Variants in LYST observed in about 807,000 individuals in gnomAD.
The protein encoded by LYST is lysosomal-trafficking regulator.
LYST carries 192 observed loss-of-function variants against 413.6 expected under a neutral mutation model. The ratio of observed to expected loss-of-function variants is 0.46; its 90% confidence interval spans 0.41 to 0.52. The LOEUF (loss-of-function observed/expected upper bound fraction) is 0.52. LYST is among the 20% of genes least tolerant of loss of function. The probability of loss-of-function intolerance (pLI) is 0.00; values close to 1 mark genes in which losing one functional copy is unlikely to be tolerated. For missense variants in LYST, 3,815 were observed against 4,499.9 expected, an observed-to-expected ratio of 0.85 and a Z score of 4.35; for synonymous variants, 1,525 against 1,567.3, an observed-to-expected ratio of 0.97 and a Z score of 0.64.
chr1:235,799,928 C>CTTTTTTTTTTTTTTTTTTTTTT (rs67988872), intron 10 of LYST, among the ~76,000 whole-genome samples: 1 of 63,482 alleles, frequency 1.6e-5, no homozygotes, highest in Non-Finnish European at 2.8e-5. Context: ...CAATGGAAGC[C>CTTTTTTTTTTTTTTTTTTTTTT]TTTTTTTTTT....
At chr1:235,760,918 T>C (rs1224112513) in intron 22 of LYST, among the ~76,000 whole-genome samples, 1 of 152,194 alleles carries the variant, frequency 6.6e-6, no homozygotes, top group Non-Finnish European at 1.5e-5. Context: ...ACATGACAGA[T>C]GATTTAAAAA....
Position 235,806,788 on chromosome 1 carries a change from A to C in LYST, c.2364-16T>G. On this transcript the variant is annotated splice_polypyrimidine_tract_variant and intron_variant, in intron 5 of 52. Transcript: ENST00000389793. The stretch of plus-strand genomic sequence containing the variant: ...TCTTATTACCCTGTGAAAGAAAAAA[A>C]GCATGTAAAAAGGTTTAAATAAAGA... 3 of 1,567,678 alleles carry C rather than the reference A, an allele frequency of 1.9e-6. No individual in the cohort carries two copies. Among genetic ancestry groups the C allele is most frequent in the Non-Finnish European group, 2.6e-6 (3 of 1,139,244 alleles).
At position 235,808,471 on chromosome 1, in the gene LYST, T is replaced by C. The variant is rs1303870117; in HGVS notation, c.2347A>G (p.Ile783Val). 1.2e-6 allele frequency: 2 copies of C among 1,612,810 alleles called. No individual in the cohort carries two copies. Among genetic ancestry groups the C allele is most frequent in the Admixed American group, 3.3e-5 (2 of 59,862 alleles). ...VLQIYVKTLP[I>V]LLKSRVIRDL... ...CATACAAACCTGGATTTAAGCAGGA[T>C]AGGCAGAGTTTTTACATAAATCTGA... The change falls in exon 5 of 53, where the codon ATC (isoleucine) becomes GTC (valine). Residue 783 changes from isoleucine to valine, a missense_variant. By Grantham distance (29) the Ile-to-Val change is conservative. Transcript: ENST00000389793.
chr1:235,785,092 C>T (rs1359750859), intron 14 of LYST, among the ~76,000 whole-genome samples: 1 of 152,132 alleles, frequency 6.6e-6, no homozygotes, highest in Non-Finnish European at 1.5e-5. Context: ...TGTAAGCAAT[C>T]AATTGCTGCA....
At position 235,734,593 on chromosome 1, in the gene LYST, C is replaced by G; in HGVS notation, c.8425G>C (p.Glu2809Gln). Residue 2809 changes from glutamate to glutamine, a missense_variant, in exon 32 of 53, where the codon GAA becomes CAA. Coordinates refer to ENST00000389793, the MANE Select transcript of LYST (RefSeq NM_000081.4). ...IHNHQGELTE[E>Q]ELGTAELLMN... ...AGCAGTTCTGCTGTGCCTAGCTCTT[C>G]TTCAGTCAATTCACCTTGGTGATTA... 1 of 1,613,276 alleles carries G rather than the reference C, an allele frequency of 6.2e-7. No individual in the cohort carries two copies. The highest frequency in any genetic ancestry group is 1.1e-5 in the South Asian group (1 of 91,006).
At chr1:235,685,751 C>A (rs1269047326) in intron 48 of LYST, among the ~76,000 whole-genome samples, 1 of 151,290 alleles carries the variant, frequency 6.6e-6, no homozygotes, top group Admixed American at 6.6e-5. Flanking sequence ...GAGGCTGAGG[C>A]AGAAGAATTG....
intron 19 of LYST, among the ~76,000 whole-genome samples, chr1:235,770,721 A>G (rs1361356831): frequency 1.3e-5 from 2 of 152,202 alleles, no homozygotes; most frequent in African/African-American, 4.8e-5. Context: ...TTTTAGAGCA[A>G]ATCATACTAA....
At chr1:235,762,983 T>A in intron 21 of LYST, 132 bp from the exon 22 acceptor site, 1 of 693,942 alleles carries the variant, frequency 1.4e-6, no homozygotes, top group Non-Finnish European at 2.6e-6. Flanking sequence ...ATAGCATACT[T>A]TATATTAAGG....
At chr1:235,825,698 A>C (rs1675249594) in intron 3 of LYST, among the ~76,000 whole-genome samples, 1 of 152,238 alleles carries the variant, frequency 6.6e-6, no homozygotes, top group Non-Finnish European at 1.5e-5. Flanking sequence ...ACATAAATAG[A>C]GTTTGATATC....
At chr1:235,865,131 G>A (rs1342084143) in intron 1 of LYST, among the ~76,000 whole-genome samples, 1 of 152,100 alleles carries the variant, frequency 6.6e-6, no homozygotes, top group Non-Finnish European at 1.5e-5. Flanking sequence ...CCTCAAACAA[G>A]CCCAGCACAC....
chr1:235,737,150 A>G (rs562181529), intron 31 of LYST: 84 of 152,328 alleles, frequency 5.5e-4, no homozygotes, highest in African/African-American at 1.9e-3. Context: ...CTGTATAACC[A>G]TAATAGTATG....
At chr1:235,834,678 C>T (rs930925497) in intron 1 of LYST, among the ~76,000 whole-genome samples, 2 of 152,192 alleles carry the variant, frequency 1.3e-5, no homozygotes, top group Non-Finnish European at 2.9e-5. Context: ...CTGTGTTAGA[C>T]AATGCAGGGC....
At chr1:235,821,497 C>G (rs1674748476) in intron 3 of LYST, among the ~76,000 whole-genome samples, 1 of 152,050 alleles carries the variant, frequency 6.6e-6, no homozygotes, top group Non-Finnish European at 1.5e-5. Flanking sequence ...TGAAAGAAAT[C>G]CTCTATTCGA....
At chr1:235,705,244 G>A (rs1661885058) in intron 44 of LYST, among the ~76,000 whole-genome samples, 1 of 151,958 alleles carries the variant, frequency 6.6e-6, no homozygotes, top group Non-Finnish European at 1.5e-5. Flanking sequence ...ACTTTGTTTT[G>A]CCCCATTAAA....
intron 1 of LYST, among the ~76,000 whole-genome samples, chr1:235,881,283 T>C (rs1681364021): frequency 6.6e-6 from 1 of 152,218 alleles, no homozygotes; most frequent in Admixed American, 6.5e-5. Context: ...GAAAACATAC[T>C]TTTACCACAG....
intron 21 of LYST, among the ~76,000 whole-genome samples, chr1:235,765,846 T>C (rs1286708404): frequency 1.3e-5 from 2 of 152,174 alleles, no homozygotes; most frequent in African/African-American, 4.8e-5. Flanking sequence ...TACACATTTT[T>C]TTTTTTTACT....
At chr1:235,858,693 A>ACT (rs1168276685) in intron 1 of LYST, among the ~76,000 whole-genome samples, 2 of 151,392 alleles carry the variant, frequency 1.3e-5, no homozygotes, top group Non-Finnish European at 2.9e-5. Flanking sequence ...CCTCATTACC[A>ACT]CTCTCTATTC....
At chr1:235,826,508 A>G (rs776013017) in intron 3 of LYST, among the ~76,000 whole-genome samples, 1 of 152,226 alleles carries the variant, frequency 6.6e-6, no homozygotes, top group Non-Finnish European at 1.5e-5. Context: ...ATGAGAGTAC[A>G]TACTACATGA....
rs372493317 is a variant in LYST at position 235,756,664 on chromosome 1, A to G, written c.7059+617T>C. Among the ~76,000 whole-genome samples, 5 of 152,314 alleles carry G rather than the reference A, an allele frequency of 3.3e-5. No individual in the cohort carries two copies. The East Asian group carries it at 5.8e-4, about 18-fold the overall frequency. ...TTCATATCAAGCATTTACTCATTCAATAATATACTTAGTACCTATTACACA... is the reference window on the plus strand; with the variant it reads ...TTCATATCAAGCATTTACTCATTCAGTAATATACTTAGTACCTATTACACA... On this transcript the variant is annotated intron_variant, in intron 24 of 52. Transcript: ENST00000389793.
Sources: allele counts gnomAD v4.1 joint callset (sites outside exome capture counted in the v4.1 genomes callset), GRCh38; gene constraint gnomAD v4.1.1; transcripts MANE v1.5; gene names NCBI Gene and HGNC (gene_info 2026-07-23, HGNC 2026-07-21).